SMCO2: variants seen among roughly 807,000 people sequenced by gnomAD.
SMCO2 encodes the protein single-pass membrane protein with coiled-coil domains 2.
Under a neutral mutation model 29.5 loss-of-function variants are expected in SMCO2, and 25 were observed. That is an observed-to-expected ratio of 0.85 (90% CI 0.62 to 1.18). The LOEUF (loss-of-function observed/expected upper bound fraction) is 1.18, where lower values mean the gene tolerates loss of function less well. Among genes scored for constraint, SMCO2 ranks in the 50% most tolerant of loss-of-function variants. The probability of loss-of-function intolerance (pLI) is 0.00; values close to 1 mark genes in which losing one functional copy is unlikely to be tolerated. For missense variants in SMCO2, 348 were observed against 344.5 expected, an observed-to-expected ratio of 1.01 and a Z score of -0.08; for synonymous variants, 117 against 123.3, an observed-to-expected ratio of 0.95 and a Z score of 0.34.
chr12:27,484,871 AAT>A (rs775572569), intron 4 of SMCO2, among the ~76,000 whole-genome samples: 1,082 of 77,120 alleles, frequency 0.014, 23 homozygotes, highest in Middle Eastern at 0.042. Context: ...AAAAAAAAAA[AAT>A]ATATATATAT....
intron 4 of SMCO2, 54 bp from the exon 6 acceptor site, chr12:27,488,406 C>T: frequency 7.9e-7 from 1 of 1,269,050 alleles, no homozygotes; most frequent in Non-Finnish European, 1.1e-6. Flanking sequence ...ATTACCTCCT[C>T]TCTTGGGTGA....
intron 3 of SMCO2, 100 bp from the exon 4 acceptor site, chr12:27,474,686 T>A: frequency 7.3e-7 from 1 of 1,376,876 alleles, no homozygotes; most frequent in Non-Finnish European, 9.9e-7. Flanking sequence ...GAGGACTATG[T>A]GCTTGACCCC....
At chr12:27,469,619 A>G (rs528930375) in intron 1 of SMCO2, among the ~76,000 whole-genome samples, 1 of 152,248 alleles carries the variant, frequency 6.6e-6, no homozygotes, top group Non-Finnish European at 1.5e-5. Context: ...TTCTAGGCCA[A>G]TCTACTGCTA....
At chr12:27,478,228 T>C (rs1949607383) in intron 4 of SMCO2, among the ~76,000 whole-genome samples, 1 of 152,196 alleles carries the variant, frequency 6.6e-6, no homozygotes, top group Admixed American at 6.5e-5. Flanking sequence ...CTGTGCTTAT[T>C]TGTGGAGGCT....
the SMCO2 span, among the ~76,000 whole-genome samples, chr12:27,455,702 A>G: frequency 6.6e-6 from 1 of 152,246 alleles, no homozygotes; most frequent in Non-Finnish European, 1.5e-5. Context: ...TAAGAATAAC[A>G]GCCCCCCAAA....
Position 27,495,866 on chromosome 12 carries a change from G to C in SMCO2, c.683+11G>C, listed in dbSNP as rs1257744827. The C allele has an allele frequency of 2.4e-5, 35 of 1,447,982 alleles. 2 individuals carry two copies. The highest frequency in any genetic ancestry group is 3.2e-5 in the Non-Finnish European group (35 of 1,080,784). The allele number at this position is 1,447,982 out of a possible 1,614,324, so 89.7% of individuals were successfully genotyped here. On this transcript the variant is annotated intron_variant, in intron 7 of 7. Transcript: ENST00000298876. Reference sequence around the variant, plus strand: ...CCGCAATACAGCATGGTAAGTCAGAGCAAGAGGCCATTCAGGGCTGGATGA... The same window carrying C: ...CCGCAATACAGCATGGTAAGTCAGACCAAGAGGCCATTCAGGGCTGGATGA...
chr12:27,448,932 G>C, the SMCO2 span, among the ~76,000 whole-genome samples: 3 of 152,224 alleles, frequency 2.0e-5, no homozygotes, highest in African/African-American at 4.8e-5. Context: ...GAATCAAAGG[G>C]GTAAAAGACA....
chr12:27,482,086 G>A (rs1169542731), intron 4 of SMCO2, among the ~76,000 whole-genome samples: 2 of 151,480 alleles, frequency 1.3e-5, no homozygotes, highest in Non-Finnish European at 2.9e-5. Context: ...TTCATGAGGT[G>A]AACTTTAGGT....
the SMCO2 span, among the ~76,000 whole-genome samples, chr12:27,450,787 T>C: frequency 6.6e-6 from 1 of 152,248 alleles, no homozygotes; most frequent in African/African-American, 2.4e-5. Context: ...AACAATTCTA[T>C]ATTAAGGTAA....
intron 4 of SMCO2, among the ~76,000 whole-genome samples, chr12:27,476,412 T>A (rs1002378757): frequency 3.9e-5 from 6 of 152,206 alleles, no homozygotes; most frequent in African/African-American, 1.4e-4. Flanking sequence ...AATGTTCCTT[T>A]GTTAATTTTT....
chr12:27,464,716 C>CAAAA (rs767874837), upstream of SMCO2, among the ~76,000 whole-genome samples: 435 of 46,106 alleles, frequency 9.4e-3, 7 homozygotes, highest in African/African-American at 0.036. Context: ...GACCCTGTCT[C>CAAAA]AAAAAAAAAA....
chr12:27,474,879 T>A, exon 4 of SMCO2: 1 of 1,551,402 alleles, frequency 6.4e-7, no homozygotes, highest in Non-Finnish European at 8.7e-7. Context: ...AGCGTCTACA[T>A]CTCTGCAGTT....
chr12:27,442,966 A>G, the SMCO2 span, among the ~76,000 whole-genome samples: 2 of 152,186 alleles, frequency 1.3e-5, no homozygotes, highest in African/African-American at 4.8e-5. Context: ...AACCCTACTC[A>G]AATTATTCTA....
chr12:27,438,550 T>A, the SMCO2 span, among the ~76,000 whole-genome samples: 10 of 152,210 alleles, frequency 6.6e-5, no homozygotes, highest in African/African-American at 1.9e-4. Flanking sequence ...TATTTGCCCA[T>A]TTTCCAAACC....
At chr12:27,467,830 T>A (rs1949509903) in intron 1 of SMCO2, among the ~76,000 whole-genome samples, 1 of 152,192 alleles carries the variant, frequency 6.6e-6, no homozygotes, top group African/African-American at 2.4e-5. Context: ...GTGCCATGGT[T>A]GGCTAACCAC....
chr12:27,451,129 C>G, the SMCO2 span, among the ~76,000 whole-genome samples: 1 of 152,192 alleles, frequency 6.6e-6, no homozygotes, highest in Non-Finnish European at 1.5e-5. Flanking sequence ...TATTTGTTCT[C>G]TGTCCAAAAT....
the SMCO2 span, among the ~76,000 whole-genome samples, chr12:27,460,645 G>A: frequency 4.6e-5 from 7 of 152,260 alleles, no homozygotes; most frequent in South Asian, 2.1e-4. Flanking sequence ...GGTGGAGGAC[G>A]TGGAAGGGAA....
chr12:27,494,935 C>T (rs1486847660), intron 6 of SMCO2, among the ~76,000 whole-genome samples: 1 of 152,078 alleles, frequency 6.6e-6, no homozygotes, highest in South Asian at 2.1e-4. Flanking sequence ...GCTTGCCCTT[C>T]GGGTCTACAT....
chr12:27,495,983 G>T, intron 7 of SMCO2, 128 bp downstream of exon 8: 1 of 1,030,332 alleles, frequency 9.7e-7, no homozygotes, highest in Non-Finnish European at 1.3e-6. Flanking sequence ...AATTATCTAT[G>T]TTCTTTAAAA....
Sources: gnomAD v4.1 joint callset for allele counts (sites outside exome capture counted in the v4.1 genomes callset) on GRCh38, gnomAD v4.1.1 for gene constraint, MANE v1.5 for transcripts, NCBI Gene and HGNC (gene_info 2026-07-23, HGNC 2026-07-21) for gene names.